Variants in NFKB2 observed in about 807,000 individuals in gnomAD.
NFKB2 encodes the protein nuclear factor NF-kappa-B p100 subunit.
NFKB2 carries 21 observed loss-of-function variants against 109.3 expected under a neutral mutation model. The observed-to-expected ratio is 0.19, with a 90% CI of 0.14 to 0.28. The LOEUF is 0.28. Among genes scored for constraint, NFKB2 ranks in the 10% least tolerant of loss-of-function variants. The pLI, the probability that NFKB2 is intolerant of heterozygous loss-of-function variation, is 1.00. For synonymous variants in NFKB2, 478 were observed against 489.9 expected (o/e 0.98, Z 0.32); for missense variants, 806 against 1,185.3 (o/e 0.68, Z 4.70).
In NFKB2 at chr10:102,398,122, G is replaced by C. The variant is rs1241379470; in HGVS notation, c.766+37G>C. Reference sequence around the variant, plus strand: ...GCCCACTTTGGGCACCAAGGACATCGAGTATAAGACTGGGGCCAGGGAAGC... The same window carrying C: ...GCCCACTTTGGGCACCAAGGACATCCAGTATAAGACTGGGGCCAGGGAAGC... On this transcript the variant is annotated intron_variant, in intron 9 of 22. Coordinates refer to ENST00000661543, the MANE Select transcript of NFKB2 (RefSeq NM_001322934.2). The surrounding 1 kb of genome is among the most constrained non-coding windows in gnomAD (Gnocchi z 6.6). 1 of 1,612,946 alleles carries C rather than the reference G, an allele frequency of 6.2e-7. No homozygotes were observed. Among genetic ancestry groups the C allele is most frequent in the Non-Finnish European group, 8.5e-7 (1 of 1,179,054 alleles).
Position 102,401,100 on chromosome 10 carries a change from G to C in NFKB2, c.2071+51G>C, listed in dbSNP as rs766630409. The C allele has an allele frequency of 3.7e-6, 6 of 1,612,060 alleles. No homozygotes were observed. The African/African-American group carries it at 8.0e-5, about 22-fold the overall frequency. On this transcript the variant is annotated intron_variant, in intron 18 of 22. Transcript: ENST00000661543. The surrounding 1 kb of genome is among the most constrained non-coding windows in gnomAD (Gnocchi z 4.2). ...GAACAGGGTGGGGGGAAGGGAGAGA[G>C]GTGCCTCCCAGTCCCCCGACTTTGC...
At position 102,402,309 on chromosome 10, in the gene NFKB2, A is replaced by G. The variant is rs1322894470; in HGVS notation, c.2636A>G (p.Lys879Arg). Reference sequence around the variant, plus strand: ...CAGTCAGTGGAGCAGGAGGCAGAGAAGCTGGGCCCACCCCCTGAGCCACCA... The same window carrying G: ...CAGTCAGTGGAGCAGGAGGCAGAGAGGCTGGGCCCACCCCCTGAGCCACCA... The part of the protein sequence containing the change: ...GSQSVEQEAE[K>R]LGPPPEPPGG... The change falls in exon 23 of 23, where the codon AAG becomes AGG. Residue 879 changes from lysine to arginine, a missense_variant. Around this residue, in one of 10 missense-constraint regions of NFKB2, gnomAD observed 211 missense variants for 268.7 expected, o/e 0.79. Coordinates refer to ENST00000661543, the MANE Select transcript of NFKB2 (RefSeq NM_001322934.2). 13 of 1,566,480 alleles carry G rather than the reference A, an allele frequency of 8.3e-6. No individual in the cohort carries two copies. Among genetic ancestry groups the G allele is most frequent in the Non-Finnish European group, 9.5e-6 (11 of 1,155,462 alleles).
intron 12 of NFKB2, 123 bp from the exon 13 acceptor site, chr10:102,399,165 A>T: frequency 1.0e-6 from 1 of 987,030 alleles, no homozygotes; most frequent in Non-Finnish European, 1.5e-6. Flanking sequence ...CAGTAAGCTG[A>T]GATCACACCA....
In NFKB2 at chr10:102,400,732, G is replaced by C; in HGVS notation, c.1876G>C (p.Val626Leu). ...TCTGCTGGTGGACAGTGGGGCTGAA[G>C]TGGAGGCCACAGAGCGGCAGGGGGG... ...LDLLVDSGAE[V>L]EATERQGGRT... Residue 626 changes from valine to leucine, a missense_variant, in exon 17 of 23, where the codon GTG becomes CTG. By Grantham distance (32) the Val-to-Leu change is conservative. Transcript: ENST00000661543. The surrounding 1 kb of genome is among the most constrained non-coding windows in gnomAD (Gnocchi z 6.3). 6.2e-7 allele frequency: 1 copy of C among 1,614,038 alleles called. No homozygotes were observed. The highest frequency in any genetic ancestry group is 8.5e-7 in the Non-Finnish European group (1 of 1,179,948).
Position 102,400,235 on chromosome 10 carries a change from G to T in NFKB2, c.1584+41G>T. 1.9e-6 allele frequency: 3 copies of T among 1,613,970 alleles called. No homozygotes were observed. Among genetic ancestry groups the T allele is most frequent in the Non-Finnish European group, 2.5e-6 (3 of 1,179,956 alleles). On this transcript the variant is annotated intron_variant, in intron 15 of 22. Coordinates refer to ENST00000661543, the MANE Select transcript of NFKB2 (RefSeq NM_001322934.2). This position sits in a 1 kb window ranked among gnomAD's most constrained non-coding sequence, Gnocchi z 6.3. The stretch of plus-strand genomic sequence containing the variant: ...CTGGGGAGGTGGGAGGGGTTGGAAG[G>T]CAAGTGGGTCTCGGGCCTGGCTCAC...
rs2061159812 is a variant in NFKB2 at position 102,398,654 on chromosome 10, G to A, written c.992-85G>A. The A allele has an allele frequency of 1.2e-6, 2 of 1,611,402 alleles. No homozygotes were observed. The highest frequency in any genetic ancestry group is 2.2e-5 in the South Asian group (2 of 90,934). On this transcript the variant is annotated intron_variant, in intron 11 of 22. Transcript: ENST00000661543. This position sits in a 1 kb window ranked among gnomAD's most constrained non-coding sequence, Gnocchi z 6.6. ...GAGGGTCCCAGGAGGTGCTTCCTAG[G>A]AGCCGGCCCTGAGGGCTCTTCTGGG...
chr10:102,399,938 C>T, intron 14 of NFKB2, 142 bp from the exon 15 acceptor site: 1 of 1,068,272 alleles, frequency 9.4e-7, no homozygotes, highest in Non-Finnish European at 1.4e-6. Context: ...TGCTGCGAAA[C>T]GTTAAGTGCA....
In NFKB2 at chr10:102,401,735, T is replaced by TC. The variant is rs780767956; in HGVS notation, c.2294-5dup. On this transcript the variant is annotated splice_polypyrimidine_tract_variant and intron_variant, in intron 20 of 22. Coordinates refer to ENST00000661543, the MANE Select transcript of NFKB2 (RefSeq NM_001322934.2). This position sits in a 1 kb window ranked among gnomAD's most constrained non-coding sequence, Gnocchi z 4.2. ...GGTAAATGACATGTCTGTATGTGTG[T>TC]CCCCCTAAGGGCCGGGACTGTCACT... is the stretch of plus-strand genomic sequence containing the variant. 1 of 1,588,704 alleles carries TC rather than the reference T, an allele frequency of 6.3e-7. No homozygotes were observed. Among genetic ancestry groups the TC allele is most frequent in the East Asian group, 2.2e-5 (1 of 44,586 alleles).
In NFKB2 at chr10:102,396,003, G is replaced by A; in HGVS notation, c.21+23G>A. On this transcript the variant is annotated intron_variant, in intron 2 of 22. Transcript: ENST00000661543. The surrounding 1 kb of genome is among the most constrained non-coding windows in gnomAD (Gnocchi z 5.9). Reference sequence around the variant, plus strand: ...CCAGTGAGTCATGCCGCCTGCCCCTGACCCGGCCGGCTGCCCCTCGTGTCT... The same window carrying A: ...CCAGTGAGTCATGCCGCCTGCCCCTAACCCGGCCGGCTGCCCCTCGTGTCT... 6.2e-7 allele frequency: 1 copy of A among 1,611,866 alleles called. No homozygotes were observed. The highest frequency in any genetic ancestry group is 8.5e-7 in the Non-Finnish European group (1 of 1,179,952).
In NFKB2 at chr10:102,399,460, C is replaced by T. The variant is rs1308225805; in HGVS notation, c.1290C>T (p.Pro430=). ...AAEPSAPSRT[P]QCEPQAPEML... ...AGCCAAGCGCCCCCTCCAGGACCCC[C>T]CAGTGCGAGCCGCAGGCCCCGGAGA... Residue 430 remains proline, a synonymous_variant, in exon 13 of 23, where the codon CCC becomes CCT. Coordinates refer to ENST00000661543, the MANE Select transcript of NFKB2 (RefSeq NM_001322934.2). 3 of 1,505,126 alleles carry T rather than the reference C, an allele frequency of 2.0e-6. No homozygotes were observed. Among genetic ancestry groups the T allele is most frequent in the Middle Eastern group, 1.8e-4 (1 of 5,492 alleles). The allele number at this position is 1,505,126 out of a possible 1,614,324, so 93.2% of individuals were successfully genotyped here.
chr10:102,398,689 T>C lies in NFKB2; in HGVS notation c.992-50T>C, dbSNP rs755288057. On this transcript the variant is annotated intron_variant, in intron 11 of 22. Coordinates refer to ENST00000661543, the MANE Select transcript of NFKB2 (RefSeq NM_001322934.2). This position sits in a 1 kb window ranked among gnomAD's most constrained non-coding sequence, Gnocchi z 6.6. Reference sequence around the variant, plus strand: ...TGAGGGCTCTTCTGGGAAGGGCCCCTGAGGCATGACACAATAACTGGGCTC... The same window carrying C: ...TGAGGGCTCTTCTGGGAAGGGCCCCCGAGGCATGACACAATAACTGGGCTC... The C allele has an allele frequency of 1.2e-6, 2 of 1,612,018 alleles. No individual in the cohort carries two copies. Among genetic ancestry groups the C allele is most frequent in the East Asian group, 4.5e-5 (2 of 44,872 alleles).
Position 102,401,231 on chromosome 10 carries a change from C to T in NFKB2, c.2123C>T (p.Pro708Leu). Reference sequence around the variant, plus strand: ...GAGCCCCTGTGCCCACTGCCTTCACCCCCTACCTCTGATAGCGACTCGGAC... The same window carrying T: ...GAGCCCCTGTGCCCACTGCCTTCACTCCCTACCTCTGATAGCGACTCGGAC... ...NEEPLCPLPS[P>L]PTSDSDSDSE... The change falls in exon 19 of 23, where the codon CCC becomes CTC. Residue 708 changes from proline to leucine, a missense_variant. Transcript: ENST00000661543. The surrounding 1 kb of genome is among the most constrained non-coding windows in gnomAD (Gnocchi z 4.2). 6.2e-7 allele frequency: 1 copy of T among 1,610,766 alleles called. No individual in the cohort carries two copies. The highest frequency in any genetic ancestry group is 8.5e-7 in the Non-Finnish European group (1 of 1,178,058).
Position 102,400,073 on chromosome 10 carries a change from C to T in NFKB2, c.1470-7C>T, listed in dbSNP as rs1182148645. ...GCTGGGCCAGACTCTCGCTCCCCAA[C>T]CCCCAGACCACTGCACCTAGCCATC... On this transcript the variant is annotated splice_polypyrimidine_tract_variant and splice_region_variant and intron_variant, in intron 14 of 22. Transcript: ENST00000661543. This position sits in a 1 kb window ranked among gnomAD's most constrained non-coding sequence, Gnocchi z 6.3. 6 of 1,613,360 alleles carry T rather than the reference C, an allele frequency of 3.7e-6. No individual in the cohort carries two copies. The highest frequency in any genetic ancestry group is 5.1e-6 in the Non-Finnish European group (6 of 1,179,478).
Position 102,401,959 on chromosome 10 carries a change from C to A in NFKB2, c.2466+42C>A. 1 of 1,597,000 alleles carries A rather than the reference C, an allele frequency of 6.3e-7. No individual in the cohort carries two copies. On this transcript the variant is annotated intron_variant, in intron 21 of 22. Coordinates refer to ENST00000661543, the MANE Select transcript of NFKB2 (RefSeq NM_001322934.2). The surrounding 1 kb of genome is among the most constrained non-coding windows in gnomAD (Gnocchi z 4.2). ...CCTGCCCCCTCCCCAGCCTCCTTTC[C>A]CGATCTGAGTCCAGGTGCCTCCTTG...
chr10:102,396,043 C>A lies in NFKB2; in HGVS notation c.21+63C>A. On this transcript the variant is annotated intron_variant, in intron 2 of 22. Coordinates refer to ENST00000661543, the MANE Select transcript of NFKB2 (RefSeq NM_001322934.2). This position sits in a 1 kb window ranked among gnomAD's most constrained non-coding sequence, Gnocchi z 5.9. ...CCCTCGTGTCTGTCCACCTGTCTGC[C>A]CGAGCCCCCTCTGCTGCCTTACACC... 1 of 1,603,900 alleles carries A rather than the reference C, an allele frequency of 6.2e-7. No homozygotes were observed. The highest frequency in any genetic ancestry group is 8.5e-7 in the Non-Finnish European group (1 of 1,174,366).
In NFKB2 at chr10:102,401,779, G is replaced by C. The variant is rs2061258362; in HGVS notation, c.2328G>C (p.Gln776His). 1 of 1,612,236 alleles carries C rather than the reference G, an allele frequency of 6.2e-7. No individual in the cohort carries two copies. Among genetic ancestry groups the C allele is most frequent in the Non-Finnish European group, 8.5e-7 (1 of 1,179,188 alleles). ...TGTCACTTGGTGATACAGCTCTGCA[G>C]AACCTGGAGCAGCTGCTAGACGGGC... Reference protein sequence around the residue: ...PGLSLGDTALQNLEQLLDGPE... With the variant: ...PGLSLGDTALHNLEQLLDGPE... Residue 776 changes from glutamine to histidine, a missense_variant, in exon 21 of 23, where the codon CAG becomes CAC. Gln to His is a conservative substitution (Grantham distance 24). Coordinates refer to ENST00000661543, the MANE Select transcript of NFKB2 (RefSeq NM_001322934.2). This position sits in a 1 kb window ranked among gnomAD's most constrained non-coding sequence, Gnocchi z 4.2.
chr10:102,394,533 C>T (rs998694472), upstream of NFKB2: 49 of 152,092 alleles, frequency 3.2e-4, no homozygotes, highest in African/African-American at 1.0e-3. Context: ...TGCTGGCAGG[C>T]GAGGTGTCGC....
chr10:102,399,509 G>A lies in NFKB2; in HGVS notation c.1327+12G>A, dbSNP rs1383194296. On this transcript the variant is annotated intron_variant, in intron 13 of 22. Transcript: ENST00000661543. The stretch of plus-strand genomic sequence containing the variant: ...GATGCTGCAGCGAGGTATGGACTCC[G>A]GGGCACGGGCGGTCGGGGCGCCGGG... 17 of 1,499,608 alleles carry A rather than the reference G, an allele frequency of 1.1e-5. No homozygotes were observed. The highest frequency in any genetic ancestry group is 1.4e-5 in the Non-Finnish European group (16 of 1,122,966). The allele number at this position is 1,499,608 out of a possible 1,614,324, so 92.9% of individuals were successfully genotyped here. A position where few individuals can be genotyped will look rare whatever the true frequency, so the allele number is the denominator to read the frequency against.
At position 102,401,672 on chromosome 10, in the gene NFKB2, G is replaced by A. The variant is rs1230470367; in HGVS notation, c.2294-73G>A. 3.2e-6 allele frequency: 5 copies of A among 1,542,718 alleles called. No individual in the cohort carries two copies. Among genetic ancestry groups the A allele is most frequent in the Non-Finnish European group, 4.4e-6 (5 of 1,138,390 alleles). On this transcript the variant is annotated intron_variant, in intron 20 of 22. Transcript: ENST00000661543. The surrounding 1 kb of genome is among the most constrained non-coding windows in gnomAD (Gnocchi z 4.2). ...GTCTGTCGCTTACCTTGGGAGAAAG[G>A]CAGTGTTCAGGTGTCCATGTCCCCA...
Sources: allele counts gnomAD v4.1 joint callset, GRCh38; gene constraint gnomAD v4.1.1; regional missense constraint gnomAD v4.1.1; non-coding constraint Gnocchi (gnomAD v3.1); transcripts MANE v1.5; gene names NCBI Gene and HGNC (gene_info 2026-07-23, HGNC 2026-07-21).